Variants in ABCA4 observed in about 807,000 individuals in gnomAD.
ABCA4 encodes the protein ATP binding cassette subfamily A member 4, also known as retinal-specific phospholipid-transporting ATPase ABCA4.
ABCA4 carries 196 observed loss-of-function variants against 263.7 expected under a neutral mutation model. The observed-to-expected ratio is 0.74, with a 90% CI of 0.66 to 0.84. The LOEUF is 0.84. Among genes scored for constraint, ABCA4 ranks in the 40% least tolerant of loss-of-function variants. ABCA4 has a pLI of 0.00. For synonymous variants in ABCA4, 1,133 were observed against 1,094.2 expected, an observed-to-expected ratio of 1.04 and a Z score of -0.70; for missense variants, 2,792 against 2,855.1, an observed-to-expected ratio of 0.98 and a Z score of 0.50.
chr1:94,068,938 A>G (rs1337811379), intron 11 of ABCA4, among the ~76,000 whole-genome samples: 1 of 152,224 alleles, frequency 6.6e-6, no homozygotes, highest in Non-Finnish European at 1.5e-5. Flanking sequence ...ACAATAAAGC[A>G]AGGAAAGGGC....
rs1662941612 is a variant in ABCA4, at chr1:94,121,131, G to A, written c.-86C>T. 2 of 1,188,306 alleles carry A rather than the reference G, an allele frequency of 1.7e-6. No individual in the cohort carries two copies. Among genetic ancestry groups the A allele is most frequent in the Non-Finnish European group, 2.5e-6 (2 of 792,772 alleles). The allele number at this position is 1,188,306 out of a possible 1,614,324, so 73.6% of individuals were successfully genotyped here. On this transcript the variant is annotated 5_prime_UTR_variant, in exon 1 of 50. Coordinates refer to ENST00000370225, the MANE Select transcript of ABCA4 (RefSeq NM_000350.3). ...ATAAACGCCGTTAAGAGCGCCTCTG[G>A]CTCCGGACGCTGTGTCCTTCTCCTG... is the stretch of plus-strand genomic sequence containing the variant.
At chr1:94,011,052 C>G in intron 39 of ABCA4, 123 bp from the exon 40 acceptor site, 1 of 1,569,396 alleles carries the variant, frequency 6.4e-7, no homozygotes, top group Non-Finnish European at 8.7e-7. Flanking sequence ...AAACACCCGC[C>G]TCATAAGGGC....
intron 18 of ABCA4, 93 bp from the exon 19 acceptor site, chr1:94,047,186 C>CGTCACCTGCCCCT: frequency 7.2e-7 from 1 of 1,389,652 alleles, no homozygotes; most frequent in Non-Finnish European, 1.0e-6. Flanking sequence ...CTGCCTATAA[C>CGTCACCTGCCCCT]GTCACCTGCC....
chr1:94,113,113 A>G, intron 1 of ABCA4, 47 bp from the exon 2 acceptor site: 1 of 1,576,642 alleles, frequency 6.3e-7, no homozygotes, highest in Non-Finnish European at 8.7e-7. Flanking sequence ...GTGCTAAGAG[A>G]TTATAGAAAA....
chr1:94,103,276 C>A, intron 4 of ABCA4, 134 bp from the exon 5 acceptor site: 1 of 1,145,984 alleles, frequency 8.7e-7, no homozygotes, highest in Non-Finnish European at 1.3e-6. Flanking sequence ...TCTCTGGGAG[C>A]CCCTAGAGGT....
chr1:93,997,503 C>A (rs1659039461), intron 48 of ABCA4, among the ~76,000 whole-genome samples: 2 of 151,122 alleles, frequency 1.3e-5, no homozygotes. Context: ...CTCCTGGGCT[C>A]AAGTGATCCT....
chr1:93,997,810 G>A (rs7518454), intron 48 of ABCA4, 51 bp downstream of exon 48: 17 of 1,611,742 alleles, frequency 1.1e-5, no homozygotes, highest in Non-Finnish European at 1.4e-5. Flanking sequence ...CCCACACTGG[G>A]TGTTCTGGAC....
chr1:94,006,023 A>G (rs1445359218), intron 43 of ABCA4, among the ~76,000 whole-genome samples: 1 of 152,230 alleles, frequency 6.6e-6, no homozygotes, highest in Non-Finnish European at 1.5e-5. Context: ...AAGAGGAGCC[A>G]GTCAGATAAC....
intron 6 of ABCA4, among the ~76,000 whole-genome samples, chr1:94,093,744 A>C (rs879584363): frequency 1.7e-4 from 26 of 152,252 alleles, no homozygotes; most frequent in Admixed American, 1.7e-3. Context: ...CAATCCAGCC[A>C]GTAGGCTCAA....
At chr1:94,067,693 C>T (rs972799498) in intron 11 of ABCA4, among the ~76,000 whole-genome samples, 4 of 152,144 alleles carry the variant, frequency 2.6e-5, no homozygotes, top group Non-Finnish European at 4.4e-5. Context: ...TCACATTAGA[C>T]GCTGTTTGTG....
intron 1 of ABCA4, 73 bp from the exon 2 acceptor site, chr1:94,113,139 C>T: frequency 7.2e-7 from 1 of 1,393,306 alleles, no homozygotes; most frequent in Non-Finnish European, 1.0e-6. Context: ...CCAGAGCAGA[C>T]ACAGCCCTCC....
chr1:94,080,537 G>A lies in ABCA4; in HGVS notation c.1040C>T (p.Ala347Val), dbSNP rs369165289. 2 of 1,613,942 alleles carry A rather than the reference G, an allele frequency of 1.2e-6. No homozygotes were observed. The highest frequency in any genetic ancestry group is 2.7e-5 in the African/African-American group (2 of 74,894). The part of the protein sequence containing the change: ...FNWYEDNNYK[A>V]FLGIDSTRKD... ...CCTTGTGGAGTCAATCCCCAGAAAG[G>A]CCTTATAGTTATTGTCTTCATACCA... Residue 347 changes from alanine (A) to valine (V), a missense_variant, in exon 8 of 50, where the codon GCC (alanine) becomes GTC (valine). By Grantham distance (64) the Ala-to-Val change is moderately conservative. Coordinates refer to ENST00000370225, the MANE Select transcript of ABCA4 (RefSeq NM_000350.3).
chr1:94,083,675 A>G (rs1297043449), intron 6 of ABCA4, among the ~76,000 whole-genome samples: 1 of 152,202 alleles, frequency 6.6e-6, no homozygotes, highest in African/African-American at 2.4e-5. Flanking sequence ...AGATAGTTTC[A>G]TAGTTATATT....
intron 44 of ABCA4, chr1:94,005,240 T>A (rs1019144055): frequency 1.3e-5 from 8 of 628,696 alleles, no homozygotes; most frequent in Non-Finnish European, 2.2e-5. Context: ...GAGTGGGGAT[T>A]TTTTTTTGTC....
At chr1:94,043,310 C>A (rs756128667) in intron 21 of ABCA4, 26 bp downstream of exon 21, 14 of 1,613,708 alleles carry the variant, frequency 8.7e-6, no homozygotes. Flanking sequence ...CCATCTGTGG[C>A]CCTGTCTCCA....
chr1:94,121,060 G>A lies in ABCA4; in HGVS notation c.-15C>T, dbSNP rs200891667. ...ACGAAGCCCATGCTAATGACCACAC[G>A]AAGACCAGATTGGTCAGAGCTGAGG... On this transcript the variant is annotated 5_prime_UTR_variant, in exon 1 of 50. Transcript: ENST00000370225. The A allele has an allele frequency of 3.1e-6, 5 of 1,613,896 alleles. No homozygotes were observed. In the Admixed American group the frequency reaches 5.0e-5, roughly 16 times the overall value.
At position 94,079,345 on chromosome 1, in the gene ABCA4, C is replaced by T. The variant is rs755715955; in HGVS notation, c.1216G>A (p.Ala406Thr). 2 of 1,614,164 alleles carry T rather than the reference C, an allele frequency of 1.2e-6. No homozygotes were observed. Among genetic ancestry groups the T allele is most frequent in the South Asian group, 2.2e-5 (2 of 91,082 alleles). Residue 406 changes from alanine to threonine, a missense_variant, in exon 9 of 50, where the codon GCA (alanine) becomes ACA (threonine). Transcript: ENST00000370225. ...GKILYTPDSP[A>T]ARRILKNANS... Reference sequence around the variant, plus strand: ...ACATTCTTCAGTATCCTTCGTGCTGCAGGTGAATCAGGAGTGTACAGGATT... The same window carrying T: ...ACATTCTTCAGTATCCTTCGTGCTGTAGGTGAATCAGGAGTGTACAGGATT...
In ABCA4 at chr1:94,048,526, C is replaced by T. The variant is rs17392417; in HGVS notation, c.2743+342G>A. On this transcript the variant is annotated intron_variant, in intron 18 of 49. Transcript: ENST00000370225. ...TTTGTCTTTCCTTATAGCTCATATC[C>T]GCTTTAAGTCCCAGTGACCAAAGTT... 7.5e-3 allele frequency among the ~76,000 whole-genome samples: 1,137 copies of T among 152,320 alleles called. 4 individuals carry two copies. The highest frequency in any genetic ancestry group is 0.012 in the Non-Finnish European group (845 of 68,030).
chr1:94,030,619 G>C, intron 28 of ABCA4, 93 bp from the exon 29 acceptor site: 2 of 1,254,686 alleles, frequency 1.6e-6, no homozygotes, highest in Non-Finnish European at 2.3e-6. Context: ...TGTGTGCCAG[G>C]TATGTATTGG....
Sources: gnomAD v4.1 joint callset for allele counts (sites outside exome capture counted in the v4.1 genomes callset) on GRCh38, gnomAD v4.1.1 for gene constraint, MANE v1.5 for transcripts, NCBI Gene and HGNC (gene_info 2026-07-23, HGNC 2026-07-21) for gene names.